Variants in POC1B observed in about 807,000 individuals in gnomAD.
The protein encoded by POC1B is POC1 centriolar protein B, also known as POC1 centriolar protein homolog B.
POC1B carries 44 observed loss-of-function variants against 60.6 expected under a neutral mutation model. The ratio of observed to expected loss-of-function variants is 0.73; its 90% CI spans 0.57 to 0.93. The LOEUF is 0.93. Ranked by LOEUF, POC1B falls within the 40% of genes least tolerant of loss-of-function variation. The pLI, the probability that POC1B is intolerant of heterozygous loss-of-function variation, is 0.00. For synonymous variants in POC1B, 180 were observed against 198.9 expected (o/e 0.90, Z 0.80); for missense variants, 555 against 572.3 (o/e 0.97, Z 0.31).
chr12:89,492,237 C>T (rs756221126), intron 3 of POC1B, 122 bp from the exon 4 acceptor site: 5 of 814,736 alleles, frequency 6.1e-6, no homozygotes, highest in Non-Finnish European at 8.7e-6. Flanking sequence ...TCTTGTAAAA[C>T]CTAACAAAAG....
intron 4 of POC1B, among the ~76,000 whole-genome samples, chr12:89,487,704 CA>C (rs1412951697): frequency 6.6e-6 from 1 of 152,190 alleles, no homozygotes; most frequent in African/African-American, 2.4e-5. Flanking sequence ...TATGTACCTG[CA>C]GGCCACAGTG....
chr12:89,429,784 A>G (rs1241599203), intron 10 of POC1B, among the ~76,000 whole-genome samples: 5 of 152,230 alleles, frequency 3.3e-5, no homozygotes, highest in African/African-American at 1.2e-4. Context: ...CATGATTGCA[A>G]GACTGCAGAA....
At chr12:89,486,098 C>T (rs533578835) in intron 4 of POC1B, among the ~76,000 whole-genome samples, 19 of 152,298 alleles carry the variant, frequency 1.2e-4, no homozygotes, top group Non-Finnish European at 2.6e-4. Context: ...GAGTACTTAT[C>T]ACTAATATAT....
At chr12:89,470,541 C>T (rs1436697858) in intron 6 of POC1B, 47 bp from the exon 7 acceptor site, 1 of 1,479,344 alleles carries the variant, frequency 6.8e-7, no homozygotes, top group Admixed American at 1.8e-5. Context: ...ACAATTCTTA[C>T]TTTTGAAGAT....
At chr12:89,462,906 T>C (rs905916446) in intron 9 of POC1B, among the ~76,000 whole-genome samples, 1 of 152,210 alleles carries the variant, frequency 6.6e-6, no homozygotes, top group Admixed American at 6.5e-5. Context: ...GAACATTTAC[T>C]GAGGCCTGAA....
At chr12:89,479,030 T>C (rs1332963649) in intron 4 of POC1B, among the ~76,000 whole-genome samples, 4 of 152,224 alleles carry the variant, frequency 2.6e-5, no homozygotes, top group Admixed American at 2.6e-4. Flanking sequence ...CTCACCTACA[T>C]ACATGTATTT....
intron 10 of POC1B, 23 bp from the exon 11 acceptor site, chr12:89,425,402 G>A (rs781066736): frequency 9.5e-6 from 15 of 1,578,442 alleles, no homozygotes; most frequent in African/African-American, 1.4e-5. Flanking sequence ...AGAAAATGTA[G>A]GAAGAGTTAT....
intron 10 of POC1B, among the ~76,000 whole-genome samples, chr12:89,436,249 C>T (rs1215827509): frequency 1.3e-5 from 2 of 151,990 alleles, no homozygotes; most frequent in Non-Finnish European, 2.9e-5. Flanking sequence ...CCGTGCACGA[C>T]CGCAGGAAGT....
intron 4 of POC1B, among the ~76,000 whole-genome samples, chr12:89,476,759 T>TAGATAGATAGATAGATAGACAGACAGAC (rs1485211003): frequency 2.6e-4 from 15 of 58,636 alleles, no homozygotes; most frequent in African/African-American, 6.3e-4. Context: ...GATAGATAGA[T>TAGATAGATAGATAGATAGACAGACAGAC]AGACAGACAG....
intron 10 of POC1B, among the ~76,000 whole-genome samples, chr12:89,436,286 T>C (rs949500436): frequency 1.3e-5 from 2 of 151,800 alleles, no homozygotes. Context: ...ATGATACCAC[T>C]AAAGCATGTC....
At chr12:89,502,297 T>C (rs1189087527) in intron 2 of POC1B, 11 of 1,606,682 alleles carry the variant, frequency 6.8e-6, no homozygotes, top group East Asian at 2.2e-5. Flanking sequence ...CAAACTAGTA[T>C]TGCCCTCCAA....
chr12:89,442,854 G>A (rs1881589010), intron 10 of POC1B, among the ~76,000 whole-genome samples: 1 of 152,126 alleles, frequency 6.6e-6, no homozygotes, highest in Admixed American at 6.5e-5. Flanking sequence ...GTATTCAGGA[G>A]ACCCATCTCA....
At chr12:89,406,151 G>C in the POC1B span, among the ~76,000 whole-genome samples, 1 of 152,130 alleles carries the variant, frequency 6.6e-6, no homozygotes, top group Non-Finnish European at 1.5e-5. Flanking sequence ...TGGCCAAGCT[G>C]AGTTGCAAAG....
At chr12:89,407,388 A>G in the POC1B span, among the ~76,000 whole-genome samples, 8 of 151,764 alleles carry the variant, frequency 5.3e-5, no homozygotes, top group African/African-American at 1.7e-4. Flanking sequence ...GCCTGACACC[A>G]TGCCCAGCTA....
chr12:89,525,216 A>G lies in POC1B; in HGVS notation c.16-12T>C, dbSNP rs1421184694. 1 of 1,601,512 alleles carries G rather than the reference A, an allele frequency of 6.2e-7. No homozygotes were observed. The highest frequency in any genetic ancestry group is 1.1e-5 in the South Asian group (1 of 90,596). ...AGAACGGGGTCCTCCTGGAAAGGAA[A>G]GTTGTCAAGTTTTGAAAGCCGCCGC... is the stretch of plus-strand genomic sequence containing the variant. On this transcript the variant is annotated splice_polypyrimidine_tract_variant and intron_variant, in intron 1 of 11. Coordinates refer to ENST00000313546, the MANE Select transcript of POC1B (RefSeq NM_172240.3).
At chr12:89,436,728 C>CA (rs934420374) in intron 10 of POC1B, among the ~76,000 whole-genome samples, 29 of 149,902 alleles carry the variant, frequency 1.9e-4, no homozygotes, top group South Asian at 4.2e-4. Flanking sequence ...AAAAAACAAC[C>CA]AAAAAAAAAC....
the POC1B span, among the ~76,000 whole-genome samples, chr12:89,412,854 T>TCCTTCCTC: frequency 7.7e-6 from 1 of 130,010 alleles, no homozygotes; most frequent in African/African-American, 3.2e-5. Context: ...TTCCTTTCCT[T>TCCTTCCTC]CCTCCCTCCC....
chr12:89,513,036 G>A (rs902734235), intron 2 of POC1B, among the ~76,000 whole-genome samples: 4 of 152,108 alleles, frequency 2.6e-5, no homozygotes, highest in Non-Finnish European at 5.9e-5. Flanking sequence ...ATTATTTGGG[G>A]TGAGACCTGG....
intron 9 of POC1B, among the ~76,000 whole-genome samples, chr12:89,463,095 A>G (rs1001750605): frequency 4.6e-5 from 7 of 152,348 alleles, no homozygotes; most frequent in African/African-American, 1.2e-4. Flanking sequence ...AATCATGGTC[A>G]GACTATCACA....
Sources: allele counts gnomAD v4.1 joint callset (sites outside exome capture counted in the v4.1 genomes callset), GRCh38; gene constraint gnomAD v4.1.1; transcripts MANE v1.5; gene names NCBI Gene and HGNC (gene_info 2026-07-23, HGNC 2026-07-21).